The following RGS6 variants were observed in gnomAD, a reference collection of about 807,000 sequenced individuals.
The protein encoded by RGS6 is regulator of G-protein signaling 6.
RGS6 carries 30 observed loss-of-function variants against 78.5 expected under a neutral mutation model. The observed-to-expected ratio is 0.38, with a 90% CI of 0.29 to 0.52. The LOEUF (loss-of-function observed/expected upper bound fraction) is 0.52, where lower values mean the gene tolerates loss of function less well. Among genes scored for constraint, RGS6 ranks in the 20% least tolerant of loss-of-function variants. The pLI is 0.85. For synonymous variants in RGS6, 206 were observed against 206.0 expected, an observed-to-expected ratio of 1.00 and a Z score of 0.00; for missense variants, 495 against 609.7, an observed-to-expected ratio of 0.81 and a Z score of 1.98.
chr14:72,612,440 T>C, the RGS6 span: 2 of 517,356 alleles, frequency 3.9e-6, no homozygotes, highest in Non-Finnish European at 7.7e-6. Context: ...CTTTTTTTTT[T>C]TCTAGTACCT....
At chr14:72,179,783 C>T (rs1049559117) in intron 2 of RGS6, among the ~76,000 whole-genome samples, 4 of 151,966 alleles carry the variant, frequency 2.6e-5, no homozygotes, top group African/African-American at 7.3e-5. Flanking sequence ...ATGGGCATCA[C>T]CTGGGAACTT....
chr14:72,163,924 C>A (rs1452793797), intron 2 of RGS6, among the ~76,000 whole-genome samples: 2 of 151,096 alleles, frequency 1.3e-5, no homozygotes, highest in Non-Finnish European at 2.9e-5. Flanking sequence ...CTTTGAAATC[C>A]CTGCTGTGAG....
intron 3 of RGS6, among the ~76,000 whole-genome samples, chr14:72,359,293 A>G (rs1301208999): frequency 6.6e-6 from 1 of 151,596 alleles, no homozygotes; most frequent in Non-Finnish European, 1.5e-5. Flanking sequence ...GGAATTAGCC[A>G]TGATCCACAC....
At chr14:72,540,694 G>T (rs1567086944) in intron 17 of RGS6, 1 of 1,367,664 alleles carries the variant, frequency 7.3e-7, no homozygotes, top group Non-Finnish European at 9.7e-7. Context: ...AGCCTCATGT[G>T]CACAGTGTGA....
At chr14:72,161,904 G>C (rs1197839093) in intron 2 of RGS6, among the ~76,000 whole-genome samples, 1 of 152,144 alleles carries the variant, frequency 6.6e-6, no homozygotes, top group Non-Finnish European at 1.5e-5. Context: ...AAGTTCTGTG[G>C]GAAACCCACG....
chr14:72,173,025 C>A (rs1286647423), intron 2 of RGS6, among the ~76,000 whole-genome samples: 1 of 152,160 alleles, frequency 6.6e-6, no homozygotes, highest in South Asian at 2.1e-4. Context: ...CCAGGATTTC[C>A]CATTCAGAGT....
intron 2 of RGS6, among the ~76,000 whole-genome samples, chr14:72,321,863 T>G (rs1318376765): frequency 1.3e-5 from 2 of 151,940 alleles, no homozygotes; most frequent in Non-Finnish European, 2.9e-5. Context: ...ATGTCATCCT[T>G]TCAGATGTCC....
chr14:72,139,517 G>A (rs142963008), intron 2 of RGS6, among the ~76,000 whole-genome samples: 1 of 152,296 alleles, frequency 6.6e-6, no homozygotes, highest in East Asian at 1.9e-4. Context: ...CTTGCTCCAT[G>A]TGGGAAAGCA....
intron 2 of RGS6, among the ~76,000 whole-genome samples, chr14:72,035,618 G>A (rs564266431): frequency 6.6e-6 from 1 of 152,134 alleles, no homozygotes; most frequent in South Asian, 2.1e-4. Flanking sequence ...TTCCTTCCTA[G>A]TATTGCTTTT....
intron 2 of RGS6, among the ~76,000 whole-genome samples, chr14:72,277,527 T>C (rs933194667): frequency 3.3e-5 from 5 of 151,594 alleles, no homozygotes; most frequent in African/African-American, 1.2e-4. Context: ...AACTAGGGCA[T>C]CAAAAGTTGC....
At chr14:71,898,304 C>T in the RGS6 span, among the ~76,000 whole-genome samples, 1 of 152,186 alleles carries the variant, frequency 6.6e-6, no homozygotes, top group Non-Finnish European at 1.5e-5. Context: ...ACCCTCCCCT[C>T]ACCCCAACCA....
chr14:71,970,032 A>C (rs962261446), intron 2 of RGS6, among the ~76,000 whole-genome samples: 1 of 152,214 alleles, frequency 6.6e-6, no homozygotes, highest in African/African-American at 2.4e-5. Flanking sequence ...CTTTAATTGT[A>C]ATTATTTAAT....
chr14:72,466,793 T>C (rs1378958161), intron 7 of RGS6, among the ~76,000 whole-genome samples: 1 of 152,226 alleles, frequency 6.6e-6, no homozygotes, highest in East Asian at 1.9e-4. Flanking sequence ...TATGAATCTA[T>C]ACATGTGTTA....
At chr14:72,168,997 C>T (rs1567365773) in intron 2 of RGS6, among the ~76,000 whole-genome samples, 2 of 152,258 alleles carry the variant, frequency 1.3e-5, no homozygotes, top group South Asian at 4.1e-4. Context: ...CCTCACCTTC[C>T]ACCTGCCCAC....
intron 3 of RGS6, among the ~76,000 whole-genome samples, chr14:72,353,653 A>G (rs532007913): frequency 1.3e-5 from 2 of 152,292 alleles, no homozygotes; most frequent in South Asian, 4.1e-4. Flanking sequence ...TATACTGATT[A>G]TGGTGATGGT....
At chr14:72,251,491 A>T (rs1223880632) in intron 2 of RGS6, among the ~76,000 whole-genome samples, 1 of 152,206 alleles carries the variant, frequency 6.6e-6, no homozygotes, top group Non-Finnish European at 1.5e-5. Context: ...TTTCTGAGGT[A>T]TTCCAATTTC....
rs531458538 is a variant in RGS6, at chr14:72,377,074, G to A, written c.184+24880G>A. 2.0e-5 allele frequency among the ~76,000 whole-genome samples: 3 copies of A among 152,240 alleles called. No homozygotes were observed. The East Asian group carries it at 5.8e-4, about 29-fold the overall frequency. ...TCACCGATCAATAATAACCTTGAATGTAAATAGATTAAAATCTCCATTTAG... is the reference window on the plus strand; with the variant it reads ...TCACCGATCAATAATAACCTTGAATATAAATAGATTAAAATCTCCATTTAG... On this transcript the variant is annotated intron_variant, in intron 3 of 17. Transcript: ENST00000553525.
At chr14:72,607,394 T>G in the RGS6 span, among the ~76,000 whole-genome samples, 2 of 152,202 alleles carry the variant, frequency 1.3e-5, no homozygotes, top group Non-Finnish European at 2.9e-5. Flanking sequence ...CTTCACATGG[T>G]GAAGGGGCAA....
intron 3 of RGS6, among the ~76,000 whole-genome samples, chr14:72,361,546 G>C (rs2081457107): frequency 6.6e-6 from 1 of 152,130 alleles, no homozygotes. Flanking sequence ...GTGATTATTG[G>C]CAGGGACAAT....
Sources: allele counts gnomAD v4.1 joint callset (sites outside exome capture counted in the v4.1 genomes callset), GRCh38; gene constraint gnomAD v4.1.1; transcripts MANE v1.5; gene names NCBI Gene and HGNC (gene_info 2026-07-23, HGNC 2026-07-21).